Variants in AKAP6 observed in about 807,000 individuals in gnomAD.
AKAP6 encodes the protein A-kinase anchoring protein 6.
Under a neutral mutation model 188.5 loss-of-function variants are expected in AKAP6, and 58 were observed. The observed-to-expected ratio is 0.31, with a 90% CI of 0.25 to 0.38. The LOEUF (loss-of-function observed/expected upper bound fraction) is 0.38, where lower values mean the gene tolerates loss of function less well. Ranked by LOEUF, AKAP6 falls within the 10% of genes least tolerant of loss-of-function variation. The pLI is 1.00. For synonymous variants in AKAP6, 989 were observed against 998.6 expected (o/e 0.99, Z 0.18); for missense variants, 2,710 against 2,740.0 (o/e 0.99, Z 0.24).
rs756520272 is a variant in AKAP6 at position 32,600,696 on chromosome 14, G to A, written c.2634G>A (p.Gln878=). The change falls in exon 7 of 14, where the codon CAG becomes CAA. Residue 878 remains glutamine, a synonymous_variant. Coordinates refer to ENST00000280979, the MANE Select transcript of AKAP6 (RefSeq NM_004274.5). ...AGCTGCAGAGGCAAATCAAACGGCA[G>A]CACAGCTGGATTCTCAGGGCTCTGG... ...WKELQRQIKR[Q]HSWILRALDT... 3.1e-6 allele frequency: 5 copies of A among 1,613,510 alleles called. No individual in the cohort carries two copies. Among genetic ancestry groups the A allele is most frequent in the Non-Finnish European group, 3.4e-6 (4 of 1,179,794 alleles).
chr14:32,473,775 C>G (rs1375869808), intron 2 of AKAP6: 1 of 152,274 alleles, frequency 6.6e-6, no homozygotes, highest in South Asian at 2.1e-4. Flanking sequence ...GGCTTTCATC[C>G]CAGCACATTG....
At chr14:32,776,529 G>C (rs1267979782) in intron 12 of AKAP6, among the ~76,000 whole-genome samples, 1 of 152,152 alleles carries the variant, frequency 6.6e-6, no homozygotes, top group Middle Eastern at 3.2e-3. Context: ...TCAGCAGTGT[G>C]AAAACAGACT....
chr14:32,748,480 G>A (rs1446618757), intron 11 of AKAP6, among the ~76,000 whole-genome samples: 1 of 152,166 alleles, frequency 6.6e-6, no homozygotes, highest in African/African-American at 2.4e-5. Flanking sequence ...GAATTCTAAA[G>A]CATGAAACTG....
At chr14:32,436,139 C>T (rs1890370974) in intron 2 of AKAP6, among the ~76,000 whole-genome samples, 1 of 152,158 alleles carries the variant, frequency 6.6e-6, no homozygotes. Flanking sequence ...TGTGATGGGG[C>T]ATCTTAACTT....
chr14:32,455,447 T>C (rs1891120279), intron 2 of AKAP6, among the ~76,000 whole-genome samples: 1 of 152,212 alleles, frequency 6.6e-6, no homozygotes, highest in African/African-American at 2.4e-5. Context: ...TATGTTAAAT[T>C]GTTTTCTTTC....
intron 4 of AKAP6, among the ~76,000 whole-genome samples, chr14:32,560,613 G>T (rs900310725): frequency 6.6e-6 from 1 of 152,192 alleles, no homozygotes; most frequent in African/African-American, 2.4e-5. Context: ...ATAATATCTT[G>T]TATTAAGATG....
At chr14:32,470,505 C>T (rs189759938) in intron 2 of AKAP6, among the ~76,000 whole-genome samples, 2 of 152,316 alleles carry the variant, frequency 1.3e-5, no homozygotes, top group Admixed American at 6.5e-5. Context: ...CTCACATCAG[C>T]AACTGAACAA....
At chr14:32,374,820 A>G (rs997522541) in intron 1 of AKAP6, among the ~76,000 whole-genome samples, 2 of 152,168 alleles carry the variant, frequency 1.3e-5, no homozygotes, top group African/African-American at 2.4e-5. Context: ...TTTTTTATAC[A>G]TTTCAAAACA....
intron 5 of AKAP6, among the ~76,000 whole-genome samples, chr14:32,582,269 G>C (rs1159347795): frequency 6.6e-6 from 1 of 152,210 alleles, no homozygotes; most frequent in East Asian, 1.9e-4. Flanking sequence ...AGTTTGGATG[G>C]ATATGAAATT....
At chr14:32,787,806 A>AT (rs2033469274) in intron 12 of AKAP6, among the ~76,000 whole-genome samples, 1 of 152,070 alleles carries the variant, frequency 6.6e-6, no homozygotes, top group Non-Finnish European at 1.5e-5. Flanking sequence ...CAATAAATTT[A>AT]TTTTTCTTTT....
At chr14:32,739,467 A>G (rs1341652603) in intron 11 of AKAP6, among the ~76,000 whole-genome samples, 3 of 151,930 alleles carry the variant, frequency 2.0e-5, no homozygotes, top group Non-Finnish European at 2.9e-5. Flanking sequence ...ACTGGGTCTT[A>G]TTCATTCATT....
chr14:32,465,099 C>G (rs1878329948), intron 2 of AKAP6, among the ~76,000 whole-genome samples: 1 of 152,168 alleles, frequency 6.6e-6, no homozygotes, highest in Admixed American at 6.6e-5. Context: ...AGGACACAAA[C>G]AAATGGAAAA....
intron 9 of AKAP6, among the ~76,000 whole-genome samples, chr14:32,723,006 C>T (rs1469538298): frequency 6.6e-6 from 1 of 152,152 alleles, no homozygotes; most frequent in African/African-American, 2.4e-5. Flanking sequence ...TGCCGCGGGC[C>T]AGTGCAGTGT....
chr14:32,577,453 A>C lies in AKAP6; in HGVS notation c.2469+211A>C, dbSNP rs116707374. Among the ~76,000 whole-genome samples the C allele has an allele frequency of 3.0e-3, 461 of 152,286 alleles. 1 individual carries two copies. Among genetic ancestry groups the C allele is most frequent in the African/African-American group, 0.01 (425 of 41,576 alleles). On this transcript the variant is annotated intron_variant, in intron 5 of 13. Coordinates refer to ENST00000280979, the MANE Select transcript of AKAP6 (RefSeq NM_004274.5). ...TCTCTGTTTCAAGCTACCTTTTCAAAGCTTTTCCTGGAAGGATAAGTAATT... is the reference window on the plus strand; with the variant it reads ...TCTCTGTTTCAAGCTACCTTTTCAACGCTTTTCCTGGAAGGATAAGTAATT...
At chr14:32,668,988 T>C (rs1317669914) in intron 7 of AKAP6, among the ~76,000 whole-genome samples, 1 of 152,162 alleles carries the variant, frequency 6.6e-6, no homozygotes, top group Non-Finnish European at 1.5e-5. Flanking sequence ...AAAATAACAT[T>C]CCAACAAACT....
At chr14:32,451,677 C>T (rs1176904397) in intron 2 of AKAP6, among the ~76,000 whole-genome samples, 2 of 152,058 alleles carry the variant, frequency 1.3e-5, no homozygotes, top group African/African-American at 4.8e-5. Context: ...TATAAAATAA[C>T]ACATAAAATA....
intron 4 of AKAP6, among the ~76,000 whole-genome samples, chr14:32,553,222 G>T (rs1883552287): frequency 6.6e-6 from 1 of 150,558 alleles, no homozygotes; most frequent in Non-Finnish European, 1.5e-5. Context: ...GAGTGCAGTG[G>T]CACGGTCTCA....
intron 4 of AKAP6, among the ~76,000 whole-genome samples, chr14:32,559,345 G>A (rs1883828763): frequency 1.3e-5 from 2 of 152,152 alleles, no homozygotes; most frequent in Non-Finnish European, 2.9e-5. Context: ...ATGGGAATGT[G>A]GGCCATTTGT....
At chr14:32,511,425 G>A (rs1245782184) in intron 2 of AKAP6, among the ~76,000 whole-genome samples, 1 of 149,012 alleles carries the variant, frequency 6.7e-6, no homozygotes, top group Non-Finnish European at 1.5e-5. Flanking sequence ...CAGGCTGGCT[G>A]GAGTGCAGTG....
Sources: gnomAD v4.1 joint callset for allele counts (sites outside exome capture counted in the v4.1 genomes callset) on GRCh38, gnomAD v4.1.1 for gene constraint, MANE v1.5 for transcripts, NCBI Gene and HGNC (gene_info 2026-07-23, HGNC 2026-07-21) for gene names.